The following TAFA2 variants were observed in gnomAD, a reference collection of about 807,000 sequenced individuals.
TAFA2 encodes TAFA chemokine like family member 2.
A neutral mutation model predicts 18.8 loss-of-function variants in TAFA2; 7 were observed. The ratio of observed to expected loss-of-function variants is 0.37; its 90% CI spans 0.21 to 0.70. TAFA2 has a LOEUF of 0.70. TAFA2 is among the 30% of genes least tolerant of loss of function. The pLI, the probability that TAFA2 is intolerant of heterozygous loss-of-function variation, is 0.53. For synonymous variants in TAFA2, 60 were observed against 54.2 expected (o/e 1.11, Z -0.47); for missense variants, 122 against 158.1 (o/e 0.77, Z 1.23).
chr12:62,234,911 A>T (rs1412722953), intron 1 of TAFA2: 2 of 915,548 alleles, frequency 2.2e-6, no homozygotes, highest in Non-Finnish European at 3.6e-6. Flanking sequence ...TGTGGGGGCA[A>T]CATCTGAGCC....
chr12:62,089,966 T>C (rs923042443), intron 1 of TAFA2, among the ~76,000 whole-genome samples: 2 of 152,098 alleles, frequency 1.3e-5, no homozygotes, highest in African/African-American at 4.8e-5. Flanking sequence ...GGACTCTAAA[T>C]TAAGCTGAAT....
intron 1 of TAFA2, among the ~76,000 whole-genome samples, chr12:62,024,087 C>T (rs919322356): frequency 1.3e-5 from 2 of 152,160 alleles, no homozygotes; most frequent in Non-Finnish European, 2.9e-5. Flanking sequence ...CTCTTGCATG[C>T]TTCCCATTTG....
chr12:61,954,253 T>C (rs964076080), intron 1 of TAFA2, among the ~76,000 whole-genome samples: 9 of 152,176 alleles, frequency 5.9e-5, no homozygotes, highest in African/African-American at 2.2e-4. Context: ...AGAAATAAAG[T>C]TCTAGAAACA....
At chr12:62,076,056 A>G (rs1050074335) in intron 1 of TAFA2, among the ~76,000 whole-genome samples, 2 of 152,204 alleles carry the variant, frequency 1.3e-5, no homozygotes, top group Non-Finnish European at 2.9e-5. Context: ...CTTTAAATTC[A>G]TACTTCCTCT....
intron 1 of TAFA2, among the ~76,000 whole-genome samples, chr12:61,914,568 C>T (rs1876742855): frequency 6.6e-6 from 1 of 152,184 alleles, no homozygotes; most frequent in Non-Finnish European, 1.5e-5. Context: ...TGAATAAAAA[C>T]TACCTAACAG....
chr12:61,954,540 AAC>A (rs140612320), intron 1 of TAFA2, among the ~76,000 whole-genome samples: 131 of 150,948 alleles, frequency 8.7e-4, no homozygotes, highest in African/African-American at 2.6e-3. Flanking sequence ...TAAAACACAA[AAC>A]ACACACACAC....
intron 2 of TAFA2, among the ~76,000 whole-genome samples, chr12:61,864,347 T>A (rs1398949390): frequency 2.0e-5 from 3 of 149,226 alleles, no homozygotes; most frequent in Non-Finnish European, 4.4e-5. Flanking sequence ...AAATATATGG[T>A]ATATATTTCT....
At position 61,828,166 on chromosome 12, in the gene TAFA2, A is replaced by G. The variant is rs567504589; in HGVS notation, c.106+39154T>C. Among the ~76,000 whole-genome samples, 19 of 152,058 alleles carry G rather than the reference A, an allele frequency of 1.2e-4. 1 individual carries two copies. The South Asian group carries it at 3.9e-3, about 31-fold the overall frequency. On this transcript the variant is annotated intron_variant, in intron 2 of 4. Transcript: ENST00000416284. Reference sequence around the variant, plus strand: ...TTCAATTTCCCTTCAGCAGCATTTGATCAATCCTTTTTAGTGTATCATGTA... The same window carrying G: ...TTCAATTTCCCTTCAGCAGCATTTGGTCAATCCTTTTTAGTGTATCATGTA...
At chr12:61,844,378 G>A (rs1285804143) in intron 2 of TAFA2, among the ~76,000 whole-genome samples, 1 of 152,070 alleles carries the variant, frequency 6.6e-6, no homozygotes, top group Non-Finnish European at 1.5e-5. Context: ...ACTGAATCAT[G>A]TGTACGGAGT....
chr12:62,090,726 A>G (rs1409113397), intron 1 of TAFA2, among the ~76,000 whole-genome samples: 2 of 152,044 alleles, frequency 1.3e-5, no homozygotes, highest in Non-Finnish European at 2.9e-5. Flanking sequence ...TAAAGAATAT[A>G]TAAACCCTAT....
At chr12:62,244,237 C>T (rs371126771) in intron 1 of TAFA2, among the ~76,000 whole-genome samples, 10 of 134,262 alleles carry the variant, frequency 7.4e-5, no homozygotes, top group African/African-American at 1.7e-4. Context: ...TTTCTTTTGT[C>T]TTTTTTTTTT....
chr12:61,880,758 G>A (rs1008246449), intron 1 of TAFA2: 2 of 373,774 alleles, frequency 5.4e-6, no homozygotes, highest in Non-Finnish European at 1.1e-5. Context: ...GTCCTCTGAC[G>A]TCCTGCCTGA....
chr12:62,225,947 G>A (rs1407879847), intron 1 of TAFA2, among the ~76,000 whole-genome samples: 6 of 152,164 alleles, frequency 3.9e-5, no homozygotes, highest in African/African-American at 1.4e-4. Flanking sequence ...TGTGCATTTT[G>A]AGGCAGTACT....
intron 1 of TAFA2, among the ~76,000 whole-genome samples, chr12:61,884,648 C>T (rs181091642): frequency 6.6e-6 from 1 of 152,184 alleles, no homozygotes; most frequent in Admixed American, 6.5e-5. Context: ...TTCAGAAAGA[C>T]CTTCACTATA....
chr12:62,127,459 T>G lies in TAFA2; in HGVS notation c.-2+63800A>C, dbSNP rs930904635. Reference sequence around the variant, plus strand: ...CATTTTCAGTATTGAATTGCTATCTTTTTTCTGTGAAAACTGGTTCATCTT... The same window carrying G: ...CATTTTCAGTATTGAATTGCTATCTGTTTTCTGTGAAAACTGGTTCATCTT... On this transcript the variant is annotated intron_variant, in intron 1 of 4. Transcript: ENST00000416284. Among the ~76,000 whole-genome samples, 3 of 152,082 alleles carry G rather than the reference T, an allele frequency of 2.0e-5. No homozygotes were observed. In the South Asian group the frequency reaches 6.2e-4, roughly 31 times the overall value.
At chr12:62,147,182 G>A (rs2062287284) in intron 1 of TAFA2, among the ~76,000 whole-genome samples, 1 of 149,508 alleles carries the variant, frequency 6.7e-6, no homozygotes. Flanking sequence ...TGGATTAAAG[G>A]TTAAAGGTAA....
At chr12:62,051,022 T>C (rs1882038512) in intron 1 of TAFA2, among the ~76,000 whole-genome samples, 1 of 152,170 alleles carries the variant, frequency 6.6e-6, no homozygotes, top group African/African-American at 2.4e-5. Context: ...ATGCCAACAT[T>C]TCCCACTCTG....
chr12:61,891,519 A>AGG (rs1875634965), intron 1 of TAFA2, among the ~76,000 whole-genome samples: 1 of 152,050 alleles, frequency 6.6e-6, no homozygotes, highest in Non-Finnish European at 1.5e-5. Flanking sequence ...GTGGTGGCGC[A>AGG]TGCCTGTAAT....
rs560543056 is a variant in TAFA2 at position 62,046,208 on chromosome 12, C to G, written c.-2+145051G>C. ...ATATTATTTGACCCCAAAATTCAAC[C>G]TGCTCCCGTGTTTGGTGTGTATCAG... On this transcript the variant is annotated intron_variant, in intron 1 of 4. Coordinates refer to ENST00000416284, the MANE Select transcript of TAFA2 (RefSeq NM_178539.5). Among the ~76,000 whole-genome samples, 84 of 152,198 alleles carry G rather than the reference C, an allele frequency of 5.5e-4. 1 individual carries two copies. The highest frequency in any genetic ancestry group is 2.0e-3 in the African/African-American group (82 of 41,548).
Sources: allele counts gnomAD v4.1 joint callset (sites outside exome capture counted in the v4.1 genomes callset), GRCh38; gene constraint gnomAD v4.1.1; transcripts MANE v1.5; gene names NCBI Gene and HGNC (gene_info 2026-07-23, HGNC 2026-07-21).